The following UPK1A variants were observed in gnomAD, a reference collection of about 807,000 sequenced individuals.
The protein encoded by UPK1A is uroplakin-1a.
UPK1A carries 31 observed loss-of-function variants against 32.3 expected under a neutral mutation model. That is an observed-to-expected ratio of 0.96 (90% CI 0.72 to 1.30). The LOEUF (loss-of-function observed/expected upper bound fraction) is 1.30. Ranked by LOEUF, UPK1A falls within the 50% of genes most tolerant of loss-of-function variation. The probability of loss-of-function intolerance (pLI) is 0.00; values close to 1 mark genes in which losing one functional copy is unlikely to be tolerated. For synonymous variants in UPK1A, 135 were observed against 137.1 expected (o/e 0.98, Z 0.11); for missense variants, 340 against 357.4 (o/e 0.95, Z 0.39).
chr19:35,667,183 G>A (rs1386104097), intron 2 of UPK1A, among the ~76,000 whole-genome samples: 3 of 152,166 alleles, frequency 2.0e-5, no homozygotes, highest in East Asian at 1.9e-4. Context: ...GAAAGTGCCC[G>A]ACCAATGCTG....
intron 2 of UPK1A, among the ~76,000 whole-genome samples, chr19:35,667,301 T>C (rs1371711080): frequency 7.0e-6 from 1 of 142,374 alleles, no homozygotes; most frequent in Non-Finnish European, 1.5e-5. Context: ...GTTTTGGTTT[T>C]GTGTTTTTTG....
chr19:35,669,229 C>T (rs1159185070), intron 3 of UPK1A, among the ~76,000 whole-genome samples: 1 of 152,062 alleles, frequency 6.6e-6, no homozygotes, highest in Non-Finnish European at 1.5e-5. Flanking sequence ...TATCCAGGGT[C>T]ACACATTGAG....
At chr19:35,671,793 G>A (rs2146385030) in intron 3 of UPK1A, among the ~76,000 whole-genome samples, 1 of 152,002 alleles carries the variant, frequency 6.6e-6, no homozygotes, top group African/African-American at 2.4e-5. Flanking sequence ...TTCTAAAGTA[G>A]ACTAGAGTCC....
chr19:35,671,150 A>G (rs1968089673), intron 3 of UPK1A, among the ~76,000 whole-genome samples: 1 of 151,894 alleles, frequency 6.6e-6, no homozygotes, highest in East Asian at 2.0e-4. Context: ...GCAGTTTGGG[A>G]GGCCGAGGCA....
chr19:35,677,622 G>A (rs573842517), intron 6 of UPK1A, among the ~76,000 whole-genome samples, 190 bp from the exon 7 acceptor site: 1 of 152,246 alleles, frequency 6.6e-6, no homozygotes, highest in African/African-American at 2.4e-5. Flanking sequence ...GCAGGGCCTG[G>A]GTTCAACATC....
At chr19:35,668,119 C>T (rs1227862371) in intron 2 of UPK1A, 1 of 400,758 alleles carries the variant, frequency 2.5e-6, no homozygotes, top group East Asian at 5.7e-5. Flanking sequence ...TGGCCATGTT[C>T]CCCTCCTCGG....
In UPK1A at chr19:35,666,550, G is replaced by A; in HGVS notation, c.-5+12G>A. ...TGCAGACAGAGAAGGTGAGGAGGGG[G>A]CCCTGGGAGTCTGGGTATGGCATGA... is the stretch of plus-strand genomic sequence containing the variant. On this transcript the variant is annotated intron_variant, in intron 1 of 7. Coordinates refer to ENST00000617999, the Ensembl canonical transcript of UPK1A. The A allele has an allele frequency of 1.0e-5, 5 of 492,696 alleles. No homozygotes were observed. In the South Asian group the frequency reaches 1.1e-4, roughly 11 times the overall value. 30.5% of individuals were successfully genotyped at this position (492,696 alleles called of 1,614,324 possible).
chr19:35,669,542 G>A (rs1371331569), intron 3 of UPK1A, among the ~76,000 whole-genome samples: 1 of 151,628 alleles, frequency 6.6e-6, no homozygotes, highest in Non-Finnish European at 1.5e-5. Context: ...ATGGTGGCAG[G>A]CACCTGTAAT....
At chr19:35,670,152 T>TCAAA (rs1968063985) in intron 3 of UPK1A, among the ~76,000 whole-genome samples, 1 of 151,706 alleles carries the variant, frequency 6.6e-6, no homozygotes, top group East Asian at 1.9e-4. Context: ...CAGGTGGAGG[T>TCAAA]GGCAGCAAGG....
chr19:35,666,754 G>A (rs1217897599), intron 1 of UPK1A, 55 bp from the exon 2 acceptor site: 19 of 1,571,758 alleles, frequency 1.2e-5, no homozygotes, highest in Non-Finnish European at 1.7e-5. Flanking sequence ...CTCAGAGATG[G>A]GGGGTCCGGC....
chr19:35,672,101 C>T (rs932559501), intron 3 of UPK1A, among the ~76,000 whole-genome samples: 1 of 152,170 alleles, frequency 6.6e-6, no homozygotes, highest in Non-Finnish European at 1.5e-5. Context: ...CAGGTGAGGA[C>T]ATGAAAAGAA....
Position 35,666,806 on chromosome 19 carries a change from CA to C in UPK1A, c.-4-2del. 6.2e-7 allele frequency: 1 copy of C among 1,614,070 alleles called. No individual in the cohort carries two copies. The highest frequency in any genetic ancestry group is 8.5e-7 in the Non-Finnish European group (1 of 1,179,964). ...TGGCCTCATCCCTGCTCATGTGTCC[CA>C]GGATGATGGCGTCTGCGGCAGCAGC... On this transcript the variant is annotated splice_acceptor_variant, in intron 1 of 7. Transcript: ENST00000617999. LOFTEE classifies it low-confidence loss of function (5UTR_SPLICE).
intron 6 of UPK1A, 38 bp from the exon 7 acceptor site, chr19:35,677,774 T>A (rs764856037): frequency 1.2e-6 from 2 of 1,610,940 alleles, no homozygotes; most frequent in East Asian, 4.5e-5. Flanking sequence ...GCTACCCTCA[T>A]GGGCGTCTTC....
intron 1 of UPK1A, 81 bp downstream of exon 1, chr19:35,666,619 T>C (rs1474439942): frequency 1.7e-6 from 1 of 588,774 alleles, no homozygotes; most frequent in African/African-American, 1.9e-5. Flanking sequence ...TTCAGGCCAG[T>C]GACTGCCCCA....
exon 2 of UPK1A, chr19:35,666,884 T>C: frequency 6.2e-7 from 1 of 1,613,806 alleles, no homozygotes; most frequent in South Asian, 1.1e-5. Flanking sequence ...TTGTGGGCAA[T>C]ATCATTATTC....
At position 35,670,674 on chromosome 19, in the gene UPK1A, TTCCCTCCCTCCCTCCC is replaced by T. The variant is rs750975881; in HGVS notation, c.285+2034_285+2049del. ...CCATGGACTTCCTTCCCTTCCTTCT[TTCCCTCCCTCCCTCCC>T]TCCCTCCCTCCCTTCCTTCCTTCCT... On this transcript the variant is annotated intron_variant, in intron 3 of 7. Coordinates refer to ENST00000617999, the Ensembl canonical transcript of UPK1A. Among the ~76,000 whole-genome samples the T allele has an allele frequency of 4.2e-5, 4 of 96,052 alleles. No individual in the cohort carries two copies. In the South Asian group the frequency reaches 1.8e-3, roughly 43 times the overall value. 63.0% of individuals were successfully genotyped at this position (96,052 alleles called of 152,430 possible). A position where few individuals can be genotyped will look rare whatever the true frequency, so the allele number is the denominator to read the frequency against.
Position 35,673,317 on chromosome 19 carries a change from C to T in UPK1A, c.360+11C>T. ...ACCCACCGTGACTACGTGAGCCCGGCGAGGCCTGGGGAGGGGCCTGACCTG... is the reference window on the plus strand; with the variant it reads ...ACCCACCGTGACTACGTGAGCCCGGTGAGGCCTGGGGAGGGGCCTGACCTG... On this transcript the variant is annotated intron_variant, in intron 4 of 7. Transcript: ENST00000617999. The T allele has an allele frequency of 6.2e-7, 1 of 1,613,902 alleles. No homozygotes were observed. Among genetic ancestry groups the T allele is most frequent in the African/African-American group, 1.3e-5 (1 of 75,048 alleles).
chr19:35,673,172 C>T (rs1378894236), intron 3 of UPK1A, 60 bp from the exon 4 acceptor site: 3 of 1,566,642 alleles, frequency 1.9e-6, no homozygotes, highest in East Asian at 2.2e-5. Context: ...TGATGCTTCC[C>T]TGACGGGGTG....
chr19:35,674,010 GCCTCAGCTTC>G (rs1387744264), intron 5 of UPK1A, among the ~76,000 whole-genome samples: 1 of 151,260 alleles, frequency 6.6e-6, no homozygotes, highest in African/African-American at 2.4e-5. Flanking sequence ...TGATCCTCCC[GCCTCAGCTTC>G]CCGAGTAGCT....
Sources: gnomAD v4.1 joint callset for allele counts (sites outside exome capture counted in the v4.1 genomes callset) on GRCh38, gnomAD v4.1.1 for gene constraint, MANE v1.5 for transcripts, NCBI Gene and HGNC (gene_info 2026-07-23, HGNC 2026-07-21) for gene names.